ADTRP: variants seen among roughly 807,000 people sequenced by gnomAD.
ADTRP encodes the protein androgen-dependent TFPI-regulating protein.
ADTRP carries 20 observed loss-of-function variants against 27.0 expected under a neutral mutation model. The ratio of observed to expected loss-of-function variants is 0.74; its 90% CI spans 0.52 to 1.08. The LOEUF is 1.08. Ranked by LOEUF, ADTRP falls within the 50% of genes least tolerant of loss-of-function variation. The pLI is 0.00. For missense variants in ADTRP, 251 were observed against 275.0 expected (o/e 0.91, Z 0.62); for synonymous variants, 101 against 105.2 (o/e 0.96, Z 0.25).
chr6:11,754,936 T>G, intron 3 of ADTRP: 2,308 of 747,162 alleles, frequency 3.1e-3, no homozygotes, highest in Middle Eastern at 4.1e-3. Flanking sequence ...ACGTCTGTCT[T>G]GAGATCATGG....
At chr6:11,727,936 C>T (rs931605517) in intron 4 of ADTRP, among the ~76,000 whole-genome samples, 8 of 107,502 alleles carry the variant, frequency 7.4e-5, no homozygotes, top group South Asian at 3.0e-4. Flanking sequence ...GAAGGAAGGA[C>T]GGAAAGAAGG....
intron 4 of ADTRP, chr6:11,728,351 A>T (rs913662790): frequency 6.6e-6 from 1 of 152,602 alleles, no homozygotes; most frequent in Non-Finnish European, 1.5e-5. Flanking sequence ...CCCCGCTTCC[A>T]TCTGGAGATC....
chr6:11,731,404 C>G (rs960980108), intron 4 of ADTRP, among the ~76,000 whole-genome samples: 2 of 152,184 alleles, frequency 1.3e-5, no homozygotes, highest in Non-Finnish European at 2.9e-5. Context: ...ACCCTTGCTT[C>G]CACTCCAAAC....
intron 4 of ADTRP, among the ~76,000 whole-genome samples, chr6:11,727,971 G>GAGGT (rs1393819476): frequency 1.7e-5 from 2 of 119,992 alleles, no homozygotes; most frequent in African/African-American, 6.5e-5. Context: ...GGGAGGGAGG[G>GAGGT]AGGTAGGTAG....
chr6:11,739,470 A>C lies in ADTRP; in HGVS notation c.391-3787T>G, dbSNP rs570447226. Among the ~76,000 whole-genome samples the C allele has an allele frequency of 2.0e-5, 3 of 152,300 alleles. No individual in the cohort carries two copies. In the South Asian group the frequency reaches 6.2e-4, roughly 32 times the overall value. On this transcript the variant is annotated intron_variant, in intron 3 of 5. Coordinates refer to ENST00000414691, the MANE Select transcript of ADTRP (RefSeq NM_032744.4). ...ACCTTCCCCCCACCATCCTCCATAA[A>C]ATGCCAACTTTCACCTAAATATCTT...
intron 2 of ADTRP, among the ~76,000 whole-genome samples, chr6:11,766,632 G>A (rs1003740863): frequency 1.3e-5 from 2 of 152,172 alleles, no homozygotes; most frequent in Admixed American, 6.5e-5. Flanking sequence ...ATTTGTCATC[G>A]TGGCAGGCAG....
chr6:11,728,506 G>C (rs1315464612), intron 4 of ADTRP: 1 of 152,236 alleles, frequency 6.6e-6, no homozygotes, highest in Non-Finnish European at 1.5e-5. Context: ...CCCTGTGTCT[G>C]GCTGAATCTT....
At chr6:11,726,668 T>C (rs1762214283) in intron 4 of ADTRP, among the ~76,000 whole-genome samples, 2 of 152,216 alleles carry the variant, frequency 1.3e-5, no homozygotes, top group African/African-American at 4.8e-5. Flanking sequence ...CAGGGAGTTA[T>C]TGTTTAACGG....
chr6:11,717,672 A>G (rs774079654), intron 5 of ADTRP, among the ~76,000 whole-genome samples: 38 of 152,236 alleles, frequency 2.5e-4, no homozygotes, highest in Non-Finnish European at 4.1e-4. Context: ...CAGGTGTTAG[A>G]GAAATGAGAT....
At chr6:11,772,956 C>T (rs1763832278) in intron 1 of ADTRP, among the ~76,000 whole-genome samples, 1 of 152,162 alleles carries the variant, frequency 6.6e-6, no homozygotes, top group Non-Finnish European at 1.5e-5. Context: ...GAAAGAAGTA[C>T]CAGAATGCTT....
At chr6:11,768,551 G>A (rs963327116) in intron 1 of ADTRP, among the ~76,000 whole-genome samples, 168 bp from the exon 2 acceptor site, 1 of 152,212 alleles carries the variant, frequency 6.6e-6, no homozygotes, top group African/African-American at 2.4e-5. Context: ...AGCTCATTGG[G>A]TCCTGACCCT....
intron 3 of ADTRP, among the ~76,000 whole-genome samples, chr6:11,759,224 G>A (rs1763325043): frequency 6.6e-6 from 1 of 152,208 alleles, no homozygotes; most frequent in Non-Finnish European, 1.5e-5. Flanking sequence ...GGGGCAGAGA[G>A]GGGAAGTGGA....
intron 3 of ADTRP, among the ~76,000 whole-genome samples, chr6:11,761,847 G>A (rs1022735848): frequency 1.3e-5 from 2 of 152,178 alleles, no homozygotes; most frequent in Non-Finnish European, 1.5e-5. Flanking sequence ...TCACAGAGGA[G>A]CCTCTTCCCT....
intron 1 of ADTRP, among the ~76,000 whole-genome samples, chr6:11,768,775 C>A (rs145905424): frequency 5.3e-5 from 8 of 152,226 alleles, no homozygotes; most frequent in African/African-American, 1.9e-4. Context: ...AGTCAGGAGT[C>A]TTCCTGGGAA....
intron 1 of ADTRP, among the ~76,000 whole-genome samples, chr6:11,778,209 T>C (rs985953376): frequency 6.6e-6 from 1 of 152,240 alleles, no homozygotes; most frequent in African/African-American, 2.4e-5. Flanking sequence ...CATTGGAAAT[T>C]ACACTTCCTA....
intron 5 of ADTRP, among the ~76,000 whole-genome samples, chr6:11,720,453 G>C (rs904468280): frequency 6.6e-6 from 1 of 150,584 alleles, no homozygotes; most frequent in African/African-American, 2.4e-5. Flanking sequence ...TGGTTGGTTT[G>C]CGGCCAGGTG....
At chr6:11,762,733 C>T (rs2113320663) in intron 3 of ADTRP, among the ~76,000 whole-genome samples, 1 of 152,288 alleles carries the variant, frequency 6.6e-6, no homozygotes, top group Admixed American at 6.5e-5. Context: ...CACACGTTCT[C>T]AATAATCATG....
intron 4 of ADTRP, among the ~76,000 whole-genome samples, chr6:11,728,749 C>A (rs565431245): frequency 6.6e-6 from 1 of 152,276 alleles, no homozygotes; most frequent in East Asian, 1.9e-4. Flanking sequence ...GCAGCAGGTT[C>A]TTTGAATTTT....
At chr6:11,731,064 A>G (rs963506922) in intron 4 of ADTRP, among the ~76,000 whole-genome samples, 1 of 152,214 alleles carries the variant, frequency 6.6e-6, no homozygotes, top group African/African-American at 2.4e-5. Flanking sequence ...TGTAAGAACA[A>G]TGCTCAGAAC....
Sources: gnomAD v4.1 joint callset for allele counts (sites outside exome capture counted in the v4.1 genomes callset) on GRCh38, gnomAD v4.1.1 for gene constraint, MANE v1.5 for transcripts, NCBI Gene and HGNC (gene_info 2026-07-23, HGNC 2026-07-21) for gene names.